SRSF8: variants seen among roughly 807,000 people sequenced by gnomAD.
The protein encoded by SRSF8 is serine and arginine rich splicing factor 8.
A neutral mutation model predicts 2.0 loss-of-function variants in SRSF8; 3 were observed. That is an observed-to-expected ratio of 1.47 (90% confidence interval 0.67 to 3.79). The LOEUF (loss-of-function observed/expected upper bound fraction) is 3.79. Among genes scored for constraint, SRSF8 ranks in the 30% most tolerant of loss-of-function variants. The pLI, the probability that SRSF8 is intolerant of heterozygous loss-of-function variation, is 0.02. For missense variants in SRSF8, 408 were observed against 410.9 expected (o/e 0.99, Z 0.06); for synonymous variants, 162 against 170.7 (o/e 0.95, Z 0.40).
rs782644908 is a variant in SRSF8, at chr11:95,067,661, C to T, written c.435C>T (p.Arg145=). 4.4e-5 allele frequency: 71 copies of T among 1,610,664 alleles called. No individual in the cohort carries two copies. In the South Asian group the frequency reaches 7.5e-4, roughly 17 times the overall value. Residue 145 remains arginine, a synonymous_variant, in exon 1 of 1, where the codon CGC becomes CGT. Transcript: ENST00000587424. ...GGGGTCCCAGCTGCTCCAGGTCCCGCAGCCGATCTCGCTATAGGGGTTCTC... is the reference window on the plus strand; with the variant it reads ...GGGGTCCCAGCTGCTCCAGGTCCCGTAGCCGATCTCGCTATAGGGGTTCTC... The part of the protein sequence containing the change: ...RSRGPSCSRS[R]SRSRYRGSRY...
In SRSF8 at chr11:95,067,525, G is replaced by C. The variant is rs2134147695; in HGVS notation, c.299G>C (p.Ser100Thr). ...TATGGCCGCCGGGACCTGCCCCGCA[G>C]CCGCCAGGGAGAGCCACGCGGCAGG... The part of the protein sequence containing the change: ...ARYGRRDLPR[S>T]RQGEPRGRSR... The change falls in exon 1 of 1, where the codon AGC becomes ACC. Residue 100 changes from serine to threonine, a missense_variant. Transcript: ENST00000587424. The C allele has an allele frequency of 3.2e-6, 4 of 1,241,424 alleles. No individual in the cohort carries two copies. The highest frequency in any genetic ancestry group is 3.2e-6 in the Non-Finnish European group (3 of 929,014). The allele number at this position is 1,241,424 out of a possible 1,614,324, so 76.9% of individuals were successfully genotyped here. A position where few individuals can be genotyped will look rare whatever the true frequency, so the allele number is the denominator to read the frequency against.
chr11:95,067,889 A>G lies in SRSF8; in HGVS notation c.663A>G (p.Ala221=). 1 of 1,614,004 alleles carries G rather than the reference A, an allele frequency of 6.2e-7. No homozygotes were observed. Among genetic ancestry groups the G allele is most frequent in the Admixed American group, 1.7e-5 (1 of 60,022 alleles). Residue 221 remains alanine, a synonymous_variant, in exon 1 of 1, where the codon GCA becomes GCG. Transcript: ENST00000587424. The stretch of plus-strand genomic sequence containing the variant: ...GGTCCTCCACTAGCTCTCGCTCTGC[A>G]TCAACCTCCAAATCGAGCTCTGCGC... The part of the protein sequence containing the change: ...KSGSSTSSRS[A]STSKSSSARR...
At position 95,067,986 on chromosome 11, in the gene SRSF8, C is replaced by A. The variant is rs1555107251; in HGVS notation, c.760C>A (p.Pro254Thr). ...GTCTTCATCTATGACCAGGAGTCCT[C>A]CCCGGGTATCCAAGAGGAAATCCAA... is the stretch of plus-strand genomic sequence containing the variant. ...SRSSSMTRSP[P>T]RVSKRKSKSR... Residue 254 changes from proline (P) to threonine (T), a missense_variant, in exon 1 of 1, where the codon CCC becomes ACC. Transcript: ENST00000587424. The A allele has an allele frequency of 6.2e-7, 1 of 1,613,954 alleles. No homozygotes were observed. Among genetic ancestry groups the A allele is most frequent in the South Asian group, 1.1e-5 (1 of 91,072 alleles).
At position 95,067,764 on chromosome 11, in the gene SRSF8, T is replaced by C. The variant is rs782310903; in HGVS notation, c.538T>C (p.Tyr180His). 38 of 1,613,888 alleles carry C rather than the reference T, an allele frequency of 2.4e-5. No homozygotes were observed. The highest frequency in any genetic ancestry group is 3.1e-5 in the Non-Finnish European group (37 of 1,179,902). ...CCGCTCTCCCTACAGCAGATCTCGC[T>C]ACAGGGAATCTCGCTACGGCGGATC... is the stretch of plus-strand genomic sequence containing the variant. ...YSRSPYSRSR[Y>H]RESRYGGSHY... The change falls in exon 1 of 1, where the codon TAC becomes CAC. Residue 180 changes from tyrosine (Y) to histidine (H), a missense_variant. Tyr to His is a moderately conservative substitution (Grantham distance 83). Coordinates refer to ENST00000587424, the MANE Select transcript of SRSF8 (RefSeq NM_032102.4).
In SRSF8 at chr11:95,067,590, GGGCGGCGGAGCCGCAGCCCCA is replaced by G. The variant is rs782031546; in HGVS notation, c.372_392del (p.Ser125_Arg131del). The G allele has an allele frequency of 5.4e-6, 8 of 1,485,676 alleles. No homozygotes were observed. Among genetic ancestry groups the G allele is most frequent in the African/African-American group, 1.4e-5 (1 of 72,450 alleles). The allele number at this position is 1,485,676 out of a possible 1,614,324, so 92.0% of individuals were successfully genotyped here. ...CTACGGACGGCGGAGCCGCAGCTAC[GGGCGGCGGAGCCGCAGCCCCA>G]GGCGGCGACACCGCAGCCGATCCCG... On this transcript the variant is annotated inframe_deletion, in exon 1 of 1. Coordinates refer to ENST00000587424, the MANE Select transcript of SRSF8 (RefSeq NM_032102.4).
Position 95,070,074 on chromosome 11 carries a change from C to CT in SRSF8, c.*2002dup, listed in dbSNP as rs2134149662. ...TCAGCAACTCTTTATACGTTAAAAA[C>CT]TTTGAAACCTGTGGCCGGGCATGGT... On this transcript the variant is annotated 3_prime_UTR_variant, in exon 1 of 1. Coordinates refer to ENST00000587424, the MANE Select transcript of SRSF8 (RefSeq NM_032102.4). 6.0e-6 allele frequency: 1 copy of CT among 167,086 alleles called. No homozygotes were observed. Among genetic ancestry groups the CT allele is most frequent in the South Asian group, 2.1e-4 (1 of 4,818 alleles). 10.4% of individuals were successfully genotyped at this position (167,086 alleles called of 1,614,324 possible).
rs782613646 is a variant in SRSF8, at chr11:95,067,948, G to T, written c.722G>T (p.Arg241Leu). The change falls in exon 1 of 1, where the codon CGC (arginine) becomes CTC (leucine). Residue 241 changes from arginine to leucine, a missense_variant. Arg to Leu is a moderately radical substitution (Grantham distance 102, BLOSUM62 -2). Coordinates refer to ENST00000587424, the MANE Select transcript of SRSF8 (RefSeq NM_032102.4). ...AAGTCCTCCTCGGTCTCCAGGTCTC[G>T]CTCGCGGTCCAGGTCTTCATCTATG... ...RSKSSSVSRSRSRSRSSSMTR... is the reference protein window; with the variant it reads ...RSKSSSVSRSLSRSRSSSMTR... The T allele has an allele frequency of 1.2e-5, 20 of 1,613,976 alleles. No homozygotes were observed. Among genetic ancestry groups the T allele is most frequent in the Non-Finnish European group, 1.5e-5 (18 of 1,179,894 alleles).
rs782576125 is a variant in SRSF8, at chr11:95,067,566, T to C, written c.340T>C (p.Tyr114His). The C allele has an allele frequency of 1.9e-6, 3 of 1,542,230 alleles. No homozygotes were observed. In the African/African-American group the frequency reaches 4.1e-5, roughly 21 times the overall value. ...EPRGRSRGGG[Y>H]GRRSRSYGRR... Reference sequence around the variant, plus strand: ...ACGCGGCAGGTCCAGAGGCGGCGGCTACGGACGGCGGAGCCGCAGCTACGG... The same window carrying C: ...ACGCGGCAGGTCCAGAGGCGGCGGCCACGGACGGCGGAGCCGCAGCTACGG... Residue 114 changes from tyrosine (Y) to histidine (H), a missense_variant, in exon 1 of 1, where the codon TAC becomes CAC. Tyr to His is a moderately conservative substitution (Grantham distance 83). Transcript: ENST00000587424.
At position 95,068,337 on chromosome 11, in the gene SRSF8, C is replaced by A; in HGVS notation, c.*262C>A. 1 of 446,330 alleles carries A rather than the reference C, an allele frequency of 2.2e-6. No individual in the cohort carries two copies. Among genetic ancestry groups the A allele is most frequent in the Admixed American group, 3.9e-5 (1 of 25,850 alleles). The allele number at this position is 446,330 out of a possible 1,614,324, so 27.6% of individuals were successfully genotyped here. ...CGTTATTGGGTTTGGATATTTGAGG[C>A]AAAAATTTATTTTTATTTCTATAGT... On this transcript the variant is annotated 3_prime_UTR_variant, in exon 1 of 1. Transcript: ENST00000587424.
Position 95,067,958 on chromosome 11 carries a change from C to T in SRSF8, c.732C>T (p.Ser244=), listed in dbSNP as rs781816863. Residue 244 remains serine (S), a synonymous_variant, in exon 1 of 1, where the codon TCC becomes TCT. Coordinates refer to ENST00000587424, the MANE Select transcript of SRSF8 (RefSeq NM_032102.4). ...CGGTCTCCAGGTCTCGCTCGCGGTC[C>T]AGGTCTTCATCTATGACCAGGAGTC... ...SSSVSRSRSR[S]RSSSMTRSPP... is the part of the protein sequence containing the mutation. The T allele has an allele frequency of 1.2e-6, 2 of 1,614,016 alleles. No individual in the cohort carries two copies. The highest frequency in any genetic ancestry group is 3.3e-5 in the Admixed American group (2 of 60,022).
Position 95,067,364 on chromosome 11 carries a change from G to A in SRSF8, c.138G>A (p.Pro46=), listed in dbSNP as rs375946781. The change falls in exon 1 of 1, where the codon CCG becomes CCA. Residue 46 remains proline, a synonymous_variant. Transcript: ENST00000587424. ...GGCGCGTGGGCGACGTGTACATCCC[G>A]CGGGAGCCCCACACCAAGGCGCCCC... ...KYGRVGDVYI[P]REPHTKAPRG... The A allele has an allele frequency of 2.4e-3, 3,801 of 1,601,908 alleles. 90 individuals carry two copies. The African/African-American group carries it at 0.046, about 19-fold the overall frequency.
chr11:95,067,651 C>T lies in SRSF8; in HGVS notation c.425C>T (p.Ser142Phe), dbSNP rs781787619. 3 of 1,606,586 alleles carry T rather than the reference C, an allele frequency of 1.9e-6. No individual in the cohort carries two copies. The highest frequency in any genetic ancestry group is 2.2e-5 in the East Asian group (1 of 44,512). ...HRSRSRGPSC[S>F]RSRSRSRYRG... is the part of the protein sequence containing the mutation. ...AGCCGATCCCGGGGTCCCAGCTGCT[C>T]CAGGTCCCGCAGCCGATCTCGCTAT... Residue 142 changes from serine to phenylalanine, a missense_variant, in exon 1 of 1, where the codon TCC becomes TTC. Around this residue, in one of 2 missense-constraint regions of SRSF8, gnomAD observed 346 missense variants for 316.5 expected, o/e 1.09. Coordinates refer to ENST00000587424, the MANE Select transcript of SRSF8 (RefSeq NM_032102.4).
In SRSF8 at chr11:95,067,190, C is replaced by T; in HGVS notation, c.-37C>T. 1 of 1,411,660 alleles carries T rather than the reference C, an allele frequency of 7.1e-7. No individual in the cohort carries two copies. Among genetic ancestry groups the T allele is most frequent in the Non-Finnish European group, 9.3e-7 (1 of 1,073,378 alleles). The allele number at this position is 1,411,660 out of a possible 1,614,324, so 87.4% of individuals were successfully genotyped here. On this transcript the variant is annotated 5_prime_UTR_variant, in exon 1 of 1. Coordinates refer to ENST00000587424, the MANE Select transcript of SRSF8 (RefSeq NM_032102.4). Reference sequence around the variant, plus strand: ...CAGGTCGCACCGTCAGCGCCCAGAGCAGCGCCAGTTTCCGGGCCCGGGCTG... The same window carrying T: ...CAGGTCGCACCGTCAGCGCCCAGAGTAGCGCCAGTTTCCGGGCCCGGGCTG...
Position 95,068,120 on chromosome 11 carries a change from A to T in SRSF8, c.*45A>T. 1 of 1,548,188 alleles carries T rather than the reference A, an allele frequency of 6.5e-7. No individual in the cohort carries two copies. The highest frequency in any genetic ancestry group is 1.7e-4 in the Middle Eastern group (1 of 5,842). On this transcript the variant is annotated 3_prime_UTR_variant, in exon 1 of 1. Coordinates refer to ENST00000587424, the MANE Select transcript of SRSF8 (RefSeq NM_032102.4). ...GCAACGTGATGGAGGACTTGGGGGA[A>T]AAGGATCACATACTCAGTCTATGGA...
Position 95,067,585 on chromosome 11 carries a change from G to A in SRSF8, c.359G>A (p.Ser120Asn), listed in dbSNP as rs1224626584. ...RGGGYGRRSR[S>N]YGRRSRSPRR... The stretch of plus-strand genomic sequence containing the variant: ...GGCGGCTACGGACGGCGGAGCCGCA[G>A]CTACGGGCGGCGGAGCCGCAGCCCC... The change falls in exon 1 of 1, where the codon AGC (serine) becomes AAC (asparagine). Residue 120 changes from serine to asparagine, a missense_variant. Around this residue, in one of 2 missense-constraint regions of SRSF8, gnomAD observed 346 missense variants for 316.5 expected, o/e 1.09. Transcript: ENST00000587424. 6.7e-7 allele frequency: 1 copy of A among 1,484,542 alleles called. No individual in the cohort carries two copies. The highest frequency in any genetic ancestry group is 9.1e-7 in the Non-Finnish European group (1 of 1,096,882). 92.0% of individuals were successfully genotyped at this position (1,484,542 alleles called of 1,614,324 possible).
Position 95,067,822 on chromosome 11 carries a change from G to A in SRSF8, c.596G>A (p.Arg199His). 2 of 1,613,940 alleles carry A rather than the reference G, an allele frequency of 1.2e-6. No individual in the cohort carries two copies. The highest frequency in any genetic ancestry group is 2.2e-5 in the East Asian group (1 of 44,882). The part of the protein sequence containing the change: ...HYSSSGYSNS[R>H]YSRYHSSRSH... ...AGCTCATCTGGTTACAGTAACTCTC[G>A]CTACAGCCGATATCACAGCAGCCGG... The change falls in exon 1 of 1, where the codon CGC becomes CAC. Residue 199 changes from arginine to histidine, a missense_variant. Arg to His is a conservative substitution (Grantham distance 29, BLOSUM62 0). Coordinates refer to ENST00000587424, the MANE Select transcript of SRSF8 (RefSeq NM_032102.4).
At position 95,068,171 on chromosome 11, in the gene SRSF8, G is replaced by A. The variant is rs1858683871; in HGVS notation, c.*96G>A. Reference sequence around the variant, plus strand: ...AGCAACGTCCCTGGAAGAAGAGGCTGCCTATTGAAAAGGTTGTGTCACACT... The same window carrying A: ...AGCAACGTCCCTGGAAGAAGAGGCTACCTATTGAAAAGGTTGTGTCACACT... On this transcript the variant is annotated 3_prime_UTR_variant, in exon 1 of 1. Coordinates refer to ENST00000587424, the MANE Select transcript of SRSF8 (RefSeq NM_032102.4). 1 of 1,241,398 alleles carries A rather than the reference G, an allele frequency of 8.1e-7. No homozygotes were observed. Among genetic ancestry groups the A allele is most frequent in the East Asian group, 2.5e-5 (1 of 39,900 alleles). The allele number at this position is 1,241,398 out of a possible 1,614,324, so 76.9% of individuals were successfully genotyped here. A position where few individuals can be genotyped will look rare whatever the true frequency, so the allele number is the denominator to read the frequency against.
At position 95,067,703 on chromosome 11, in the gene SRSF8, C is replaced by T; in HGVS notation, c.477C>T (p.Pro159=). The change falls in exon 1 of 1, where the codon CCC becomes CCT. Residue 159 remains proline, a synonymous_variant. Transcript: ENST00000587424. ...RYRGSRYSRS[P]YSRSPYSRSR... is the part of the protein sequence containing the mutation. ...GGGGTTCTCGCTATAGCCGGTCTCC[C>T]TACAGCCGATCTCCTTACAGCCGGT... 1.9e-6 allele frequency: 3 copies of T among 1,613,928 alleles called. No individual in the cohort carries two copies. The highest frequency in any genetic ancestry group is 1.7e-4 in the Middle Eastern group (1 of 6,060).
rs781842651 is a variant in SRSF8 at position 95,067,469 on chromosome 11, C to A, written c.243C>A (p.Asp81Glu). ...AEAAMDGAEL[D>E]GRELRVQVAR... ...CCGCCATGGACGGGGCGGAGCTGGACGGACGCGAGCTGCGGGTGCAGGTGG... is the reference window on the plus strand; with the variant it reads ...CCGCCATGGACGGGGCGGAGCTGGAAGGACGCGAGCTGCGGGTGCAGGTGG... The change falls in exon 1 of 1, where the codon GAC becomes GAA. Residue 81 changes from aspartate (D) to glutamate (E), a missense_variant. Transcript: ENST00000587424. 28 of 1,452,168 alleles carry A rather than the reference C, an allele frequency of 1.9e-5. No homozygotes were observed. Among genetic ancestry groups the A allele is most frequent in the Non-Finnish European group, 2.6e-5 (28 of 1,093,444 alleles). 90.0% of individuals were successfully genotyped at this position (1,452,168 alleles called of 1,614,324 possible). A position where few individuals can be genotyped will look rare whatever the true frequency, so the allele number is the denominator to read the frequency against.
Sources: allele counts gnomAD v4.1 joint callset, GRCh38; gene constraint gnomAD v4.1.1; regional missense constraint gnomAD v4.1.1; transcripts MANE v1.5; gene names NCBI Gene and HGNC (gene_info 2026-07-23, HGNC 2026-07-21).